The following CSMD1 variants were observed in gnomAD, a reference collection of about 807,000 sequenced individuals.
The protein encoded by CSMD1 is CUB and Sushi multiple domains 1.
A neutral mutation model predicts 417.5 loss-of-function variants in CSMD1; 213 were observed. The observed-to-expected ratio is 0.51, with a 90% confidence interval of 0.46 to 0.57. The LOEUF (loss-of-function observed/expected upper bound fraction) is 0.57, where lower values mean the gene tolerates loss of function less well. CSMD1 is among the 20% of genes least tolerant of loss of function. CSMD1 has a pLI of 0.00. For missense variants in CSMD1, 6,923 were observed against 4,529.7 expected (o/e 1.53, Z -15.17); for synonymous variants, 2,862 against 1,736.8 (o/e 1.65, Z -16.11).
At chr8:3,918,887 G>A (rs911954864) in intron 5 of CSMD1, among the ~76,000 whole-genome samples, 4 of 151,960 alleles carry the variant, frequency 2.6e-5, no homozygotes, top group Non-Finnish European at 5.9e-5. Flanking sequence ...GGAAAGAATA[G>A]GAAGGGGGTG....
Position 4,510,014 on chromosome 8 carries a change from T to G in CSMD1, c.303-89949A>C, listed in dbSNP as rs186119956. ...ATGTAACTCCCATAATTCCCACATG[T>G]TGTGGGAGGGACCCGGTGGGAGGTA... is the stretch of plus-strand genomic sequence containing the variant. On this transcript the variant is annotated intron_variant, in intron 2 of 69. Transcript: ENST00000635120. 1.5e-3 allele frequency among the ~76,000 whole-genome samples: 231 copies of G among 152,202 alleles called. 1 individual carries two copies. Among genetic ancestry groups the G allele is most frequent in the African/African-American group, 5.0e-3 (208 of 41,522 alleles).
At chr8:3,504,976 A>G (rs1040237561) in intron 10 of CSMD1, among the ~76,000 whole-genome samples, 1 of 151,592 alleles carries the variant, frequency 6.6e-6, no homozygotes, top group South Asian at 2.1e-4. Flanking sequence ...CCAGTGCACC[A>G]GGGAAAGTAA....
intron 3 of CSMD1, among the ~76,000 whole-genome samples, chr8:4,347,134 T>C (rs1800818808): frequency 6.6e-6 from 1 of 152,188 alleles, no homozygotes; most frequent in Non-Finnish European, 1.5e-5. Context: ...AGATGAATGA[T>C]TTTAGCACTT....
chr8:3,648,419 C>A (rs1797684428), intron 7 of CSMD1, among the ~76,000 whole-genome samples: 1 of 152,168 alleles, frequency 6.6e-6, no homozygotes, highest in African/African-American at 2.4e-5. Flanking sequence ...ACTAATGATG[C>A]AACTCAAATT....
At chr8:4,196,035 C>T (rs1233098797) in intron 3 of CSMD1, among the ~76,000 whole-genome samples, 1 of 152,040 alleles carries the variant, frequency 6.6e-6, no homozygotes, top group Non-Finnish European at 1.5e-5. Context: ...CACAGTGAAA[C>T]CTCGTCTCTA....
At chr8:4,888,952 C>T (rs941122579) in intron 1 of CSMD1, among the ~76,000 whole-genome samples, 1 of 151,988 alleles carries the variant, frequency 6.6e-6, no homozygotes, top group Admixed American at 6.6e-5. Context: ...AAAATCTTTA[C>T]TTACAATATA....
intron 12 of CSMD1, among the ~76,000 whole-genome samples, chr8:3,426,397 G>C (rs921628879): frequency 6.6e-5 from 10 of 152,064 alleles, no homozygotes; most frequent in Non-Finnish European, 1.5e-4. Flanking sequence ...ATCTAATTTA[G>C]CTCGACTTCT....
chr8:4,403,204 C>T (rs539195062), intron 3 of CSMD1, among the ~76,000 whole-genome samples: 1 of 152,280 alleles, frequency 6.6e-6, no homozygotes, highest in Non-Finnish European at 1.5e-5. Context: ...TATTACTCAA[C>T]CAATTTTCTT....
At chr8:3,906,718 G>A (rs1157637206) in intron 5 of CSMD1, among the ~76,000 whole-genome samples, 1 of 151,856 alleles carries the variant, frequency 6.6e-6, no homozygotes, top group African/African-American at 2.4e-5. Context: ...TCATTCACTG[G>A]CTGATAGATT....
intron 54 of CSMD1, 52 bp downstream of exon 54, chr8:2,997,959 C>A (rs1358866790): frequency 4.6e-6 from 7 of 1,536,830 alleles, no homozygotes; most frequent in Non-Finnish European, 6.2e-6. Context: ...TGTTACTGGG[C>A]AGCCTAGAAC....
chr8:3,266,834 G>C (rs1459717413), intron 26 of CSMD1, among the ~76,000 whole-genome samples: 1 of 151,018 alleles, frequency 6.6e-6, no homozygotes, highest in African/African-American at 2.4e-5. Flanking sequence ...GAGGTGCATG[G>C]TATTTATGAC....
chr8:4,800,499 G>T (rs1202402459), intron 1 of CSMD1, among the ~76,000 whole-genome samples: 1 of 152,078 alleles, frequency 6.6e-6, no homozygotes, highest in Non-Finnish European at 1.5e-5. Flanking sequence ...TTAATTCCTG[G>T]GAAATCAATG....
rs147698781 is a variant in CSMD1 at position 3,088,732 on chromosome 8, T to C, written c.7286-1447A>G. Among the ~76,000 whole-genome samples the C allele has an allele frequency of 1.5e-3, 229 of 152,044 alleles. 1 individual carries two copies. The highest frequency in any genetic ancestry group is 5.2e-3 in the African/African-American group (214 of 41,466). ...CCACACCATGTTCTACCTCCAGTTATTTCTAGACCAAATTCTTCTAAGTTT... is the reference window on the plus strand; with the variant it reads ...CCACACCATGTTCTACCTCCAGTTACTTCTAGACCAAATTCTTCTAAGTTT... On this transcript the variant is annotated intron_variant, in intron 48 of 69. Transcript: ENST00000635120.
At chr8:3,118,001 C>T (rs1398046152) in intron 42 of CSMD1, among the ~76,000 whole-genome samples, 2 of 152,158 alleles carry the variant, frequency 1.3e-5, no homozygotes, top group Non-Finnish European at 2.9e-5. Context: ...CAAAAAGAAA[C>T]ACCAAGGATC....
chr8:4,256,589 C>G (rs747262199), intron 3 of CSMD1, among the ~76,000 whole-genome samples: 25 of 152,254 alleles, frequency 1.6e-4, no homozygotes, highest in Non-Finnish European at 2.9e-4. Context: ...AGGGGTTTAC[C>G]CTCACTTTAG....
intron 49 of CSMD1, among the ~76,000 whole-genome samples, chr8:3,067,905 G>T (rs919284601): frequency 6.6e-6 from 1 of 152,036 alleles, no homozygotes; most frequent in Non-Finnish European, 1.5e-5. Context: ...AGAAATATTA[G>T]ATGATTTATC....
intron 3 of CSMD1, among the ~76,000 whole-genome samples, chr8:4,202,493 A>G (rs2131259976): frequency 6.6e-6 from 1 of 152,364 alleles, no homozygotes; most frequent in Non-Finnish European, 1.5e-5. Context: ...CTAGGTCTTC[A>G]ATAACAAATT....
At chr8:3,265,031 G>C (rs1001103154) in intron 26 of CSMD1, among the ~76,000 whole-genome samples, 1 of 152,080 alleles carries the variant, frequency 6.6e-6, no homozygotes, top group Admixed American at 6.6e-5. Flanking sequence ...TAAATTATAT[G>C]GGAAAAGCAT....
intron 3 of CSMD1, among the ~76,000 whole-genome samples, chr8:4,165,945 C>T (rs182304151): frequency 2.8e-4 from 43 of 152,342 alleles, no homozygotes; most frequent in Non-Finnish European, 4.9e-4. Flanking sequence ...ATTACTCTTA[C>T]TCTTCAAGGT....
Sources: gnomAD v4.1 joint callset for allele counts (sites outside exome capture counted in the v4.1 genomes callset) on GRCh38, gnomAD v4.1.1 for gene constraint, MANE v1.5 for transcripts, NCBI Gene and HGNC (gene_info 2026-07-23, HGNC 2026-07-21) for gene names.